The following UBL3 variants were observed in gnomAD, a reference collection of about 807,000 sequenced individuals.
UBL3 encodes the protein ubiquitin like 3, also known as ubiquitin-like protein 3.
Under a neutral mutation model 18.4 loss-of-function variants are expected in UBL3, and 6 were observed. The ratio of observed to expected loss-of-function variants is 0.33; its 90% CI spans 0.18 to 0.64. UBL3 has a LOEUF of 0.64. UBL3 is among the 30% of genes least tolerant of loss of function. UBL3 has a pLI of 0.76. For synonymous variants in UBL3, 49 were observed against 46.6 expected (o/e 1.05, Z -0.21); for missense variants, 109 against 142.9 (o/e 0.76, Z 1.21).
At position 29,834,055 on chromosome 13, in the gene UBL3, C is replaced by T. The variant is rs947629085; in HGVS notation, c.27+15457G>A. Among the ~76,000 whole-genome samples the T allele has an allele frequency of 1.2e-4, 19 of 152,086 alleles. No individual in the cohort carries two copies. The East Asian group carries it at 2.7e-3, about 22-fold the overall frequency. ...ACAAAAATTAGCCAGGCACAGGTGG[C>T]GCGTGCCTGTAATCCCAGCTACTCA... On this transcript the variant is annotated intron_variant, in intron 1 of 4. Coordinates refer to ENST00000380680, the MANE Select transcript of UBL3 (RefSeq NM_007106.4).
chr13:29,783,690 C>G (rs1194146331), intron 1 of UBL3, among the ~76,000 whole-genome samples: 1 of 152,048 alleles, frequency 6.6e-6, no homozygotes, highest in Non-Finnish European at 1.5e-5. Flanking sequence ...ATATTAAGTA[C>G]TTATTACTTA....
Position 29,776,224 on chromosome 13 carries a change from C to T in UBL3, c.136+931G>A, listed in dbSNP as rs1876984370. On this transcript the variant is annotated intron_variant, in intron 2 of 4. Coordinates refer to ENST00000380680, the MANE Select transcript of UBL3 (RefSeq NM_007106.4). ...TGATATGAAGGTGTGTGTATATTCA[C>T]TATTTTGTGTTTTTTTTTCTTTTTT... is the stretch of plus-strand genomic sequence containing the variant. Among the ~76,000 whole-genome samples, 4 of 143,730 alleles carry T rather than the reference C, an allele frequency of 2.8e-5. No individual in the cohort carries two copies. In the South Asian group the frequency reaches 9.0e-4, roughly 32 times the overall value. The allele number at this position is 143,730 out of a possible 152,430, so 94.3% of individuals were successfully genotyped here.
chr13:29,801,765 A>G (rs996075134), intron 1 of UBL3, among the ~76,000 whole-genome samples: 1 of 152,126 alleles, frequency 6.6e-6, no homozygotes, highest in Admixed American at 6.5e-5. Context: ...CTCTTTCCCC[A>G]TTGCTCAACG....
intron 1 of UBL3, among the ~76,000 whole-genome samples, chr13:29,780,142 CAGG>C (rs1434063320): frequency 2.6e-5 from 4 of 151,512 alleles, no homozygotes; most frequent in Non-Finnish European, 2.9e-5. Flanking sequence ...ATCACAAGAT[CAGG>C]AGATCGAGAC....
intron 1 of UBL3, among the ~76,000 whole-genome samples, chr13:29,835,153 T>TATATATATATATAA (rs1566001148): frequency 5.9e-4 from 18 of 30,492 alleles, no homozygotes; most frequent in Non-Finnish European, 8.9e-4. Context: ...TATATATATA[T>TATATATATATATAA]ATATATATAT....
At chr13:29,772,002 G>T in intron 3 of UBL3, 110 bp downstream of exon 3, 1 of 943,596 alleles carries the variant, frequency 1.1e-6, no homozygotes, top group Non-Finnish European at 1.6e-6. Flanking sequence ...AGAATTCATA[G>T]TTTGAATTTA....
chr13:29,776,012 CACAG>C (rs1228186829), intron 2 of UBL3, among the ~76,000 whole-genome samples: 5 of 152,054 alleles, frequency 3.3e-5, no homozygotes, highest in Admixed American at 6.5e-5. Flanking sequence ...AAATGGAAAG[CACAG>C]ACAGACATTA....
intron 1 of UBL3, among the ~76,000 whole-genome samples, chr13:29,788,204 T>C (rs1877377071): frequency 6.6e-6 from 1 of 152,208 alleles, no homozygotes; most frequent in East Asian, 1.9e-4. Context: ...TACACTTATT[T>C]GTCTTAGCCT....
chr13:29,769,672 G>A (rs1425604155), intron 3 of UBL3, among the ~76,000 whole-genome samples: 1 of 152,058 alleles, frequency 6.6e-6, no homozygotes, highest in African/African-American at 2.4e-5. Flanking sequence ...CAAAGCTTTA[G>A]CTGATCATCT....
At chr13:29,808,792 G>A (rs1338433523) in intron 1 of UBL3, among the ~76,000 whole-genome samples, 2 of 151,952 alleles carry the variant, frequency 1.3e-5, no homozygotes, top group Non-Finnish European at 2.9e-5. Context: ...GTAACTTTCT[G>A]TAAAAATATA....
intron 1 of UBL3, among the ~76,000 whole-genome samples, chr13:29,831,593 GA>G (rs375371538): frequency 0.11 from 6,588 of 61,536 alleles, 150 homozygotes; most frequent in African/African-American, 0.14. Flanking sequence ...CGTCTCAAAA[GA>G]AAAAAAAAAA....
intron 1 of UBL3, among the ~76,000 whole-genome samples, chr13:29,834,754 G>A (rs1346777676): frequency 6.6e-6 from 1 of 152,006 alleles, no homozygotes; most frequent in African/African-American, 2.4e-5. Context: ...AAGAGGATAT[G>A]ACAAAGTGAA....
At chr13:29,846,773 T>C (rs1879237061) in intron 1 of UBL3, among the ~76,000 whole-genome samples, 1 of 152,114 alleles carries the variant, frequency 6.6e-6, no homozygotes, top group Non-Finnish European at 1.5e-5. Context: ...TTGACTTCAA[T>C]AGAAATGACA....
intron 1 of UBL3, among the ~76,000 whole-genome samples, chr13:29,800,904 C>T (rs776596751): frequency 1.3e-4 from 19 of 151,314 alleles, no homozygotes; most frequent in Non-Finnish European, 2.7e-4. Context: ...TGGGGACTGA[C>T]AGGGACCCCC....
At chr13:29,816,121 A>G (rs1878271953) in intron 1 of UBL3, among the ~76,000 whole-genome samples, 1 of 152,174 alleles carries the variant, frequency 6.6e-6, no homozygotes, top group South Asian at 2.1e-4. Flanking sequence ...AGAAGAAATA[A>G]TCTATTTTTA....
intron 1 of UBL3, among the ~76,000 whole-genome samples, chr13:29,824,169 C>T (rs1878554424): frequency 6.6e-6 from 1 of 152,142 alleles, no homozygotes; most frequent in South Asian, 2.1e-4. Context: ...AATGAACATA[C>T]ATGTGCATGT....
intron 2 of UBL3, among the ~76,000 whole-genome samples, chr13:29,776,938 A>G (rs894530770): frequency 2.6e-5 from 4 of 151,684 alleles, no homozygotes; most frequent in Admixed American, 2.0e-4. Context: ...CTAAGACAGA[A>G]GCAGAGCCAT....
At chr13:29,818,774 CAG>C (rs1187474413) in intron 1 of UBL3, among the ~76,000 whole-genome samples, 1 of 152,130 alleles carries the variant, frequency 6.6e-6, no homozygotes, top group African/African-American at 2.4e-5. Context: ...CTGTCTCAGA[CAG>C]AATTTAAAAA....
At chr13:29,775,151 G>A (rs898819414) in intron 2 of UBL3, among the ~76,000 whole-genome samples, 2 of 152,064 alleles carry the variant, frequency 1.3e-5, no homozygotes, top group Non-Finnish European at 2.9e-5. Flanking sequence ...AGCTGGCTTT[G>A]GCAAAAATAC....
Sources: gnomAD v4.1 joint callset for allele counts (sites outside exome capture counted in the v4.1 genomes callset) on GRCh38, gnomAD v4.1.1 for gene constraint, MANE v1.5 for transcripts, NCBI Gene and HGNC (gene_info 2026-07-23, HGNC 2026-07-21) for gene names.